Variants in STARD3NL observed in about 807,000 individuals in gnomAD.
The protein encoded by STARD3NL is STARD3 N-terminal like.
In STARD3NL, 17 loss-of-function variants were observed where a neutral mutation model predicts 30.9. The ratio of observed to expected loss-of-function variants is 0.55; its 90% CI spans 0.38 to 0.82. STARD3NL has a LOEUF of 0.82. Ranked by LOEUF, STARD3NL falls within the 40% of genes least tolerant of loss-of-function variation. The probability of loss-of-function intolerance (pLI) is 0.00; values close to 1 mark genes in which losing one functional copy is unlikely to be tolerated. For missense variants in STARD3NL, 234 were observed against 277.6 expected (o/e 0.84, Z 1.12); for synonymous variants, 112 against 100.5 (o/e 1.11, Z -0.69).
intron 6 of STARD3NL, among the ~76,000 whole-genome samples, chr7:38,219,222 T>C (rs993540235): frequency 3.3e-5 from 5 of 152,022 alleles, no homozygotes; most frequent in South Asian, 2.1e-4. Flanking sequence ...AATTTTTAAA[T>C]TTTTTATAGA....
At chr7:38,198,393 A>G (rs554765123) in intron 1 of STARD3NL, 2 of 152,290 alleles carry the variant, frequency 1.3e-5, no homozygotes, top group African/African-American at 4.8e-5. Context: ...TGGTGATTCT[A>G]TATCTTTTGA....
intron 7 of STARD3NL, among the ~76,000 whole-genome samples, chr7:38,220,973 GAAT>G (rs1786428195): frequency 6.9e-6 from 1 of 145,168 alleles, no homozygotes; most frequent in Admixed American, 6.9e-5. Flanking sequence ...GAAAAGAAAA[GAAT>G]AGAATTCTGA....
chr7:38,204,812 C>T lies in STARD3NL; in HGVS notation c.-58-2635C>T, dbSNP rs529679353. 3.0e-3 allele frequency among the ~76,000 whole-genome samples: 450 copies of T among 151,918 alleles called. 3 individuals are homozygous for T. Among genetic ancestry groups the T allele is most frequent in the Middle Eastern group, 0.014 (4 of 294 alleles). ...AAAATGATAAAGGGGATATCACCAC[C>T]GATCCCACAGAAATACAAACTACCA... On this transcript the variant is annotated intron_variant, in intron 1 of 8. Transcript: ENST00000009041.
chr7:38,207,650 C>T lies in STARD3NL; in HGVS notation c.146C>T (p.Ser49Phe). The T allele has an allele frequency of 6.2e-7, 1 of 1,614,126 alleles. No individual in the cohort carries two copies. Among genetic ancestry groups the T allele is most frequent in the Non-Finnish European group, 8.5e-7 (1 of 1,179,968 alleles). Reference protein sequence around the residue: ...SYEGREKKGISDVRRTFCLFV... With the variant: ...SYEGREKKGIFDVRRTFCLFV... The stretch of plus-strand genomic sequence containing the variant: ...GAAGGAAGGGAAAAGAAAGGCATAT[C>T]TGATGTCAGGAGGACTTTCTGTTTG... The change falls in exon 2 of 9, where the codon TCT (serine) becomes TTT (phenylalanine). Residue 49 changes from serine (S) to phenylalanine (F), a missense_variant. Coordinates refer to ENST00000009041, the MANE Select transcript of STARD3NL (RefSeq NM_032016.4).
intron 2 of STARD3NL, among the ~76,000 whole-genome samples, chr7:38,209,977 A>G (rs1054479595): frequency 2.6e-5 from 4 of 152,226 alleles, no homozygotes; most frequent in East Asian, 1.9e-4. Context: ...GGAAAAGGGT[A>G]TATGATCAAG....
chr7:38,195,432 G>C (rs1416972261), intron 1 of STARD3NL, among the ~76,000 whole-genome samples: 2 of 152,174 alleles, frequency 1.3e-5, no homozygotes, highest in African/African-American at 2.4e-5. Context: ...AATTTGCAGA[G>C]CTTAATTATG....
chr7:38,229,576 A>C (rs754781601), intron 8 of STARD3NL, among the ~76,000 whole-genome samples: 17 of 152,354 alleles, frequency 1.1e-4, no homozygotes, highest in Admixed American at 2.6e-4. Flanking sequence ...AAGCTGCCAG[A>C]TTGTGAGTCA....
At chr7:38,191,722 C>T (rs1201140672) in intron 1 of STARD3NL, among the ~76,000 whole-genome samples, 1 of 152,128 alleles carries the variant, frequency 6.6e-6, no homozygotes, top group African/African-American at 2.4e-5. Context: ...TATATACTCT[C>T]TATTATGTTC....
chr7:38,197,149 T>TTTCTTTCTTTCTTTCC (rs1784946661), intron 1 of STARD3NL, among the ~76,000 whole-genome samples: 1 of 142,664 alleles, frequency 7.0e-6, no homozygotes, highest in Non-Finnish European at 1.5e-5. Flanking sequence ...TCTTTCTTTC[T>TTTCTTTCTTTCTTTCC]TTCTTTCTTT....
chr7:38,217,518 G>T (rs1439087562), intron 6 of STARD3NL, among the ~76,000 whole-genome samples: 1 of 152,134 alleles, frequency 6.6e-6, no homozygotes, highest in African/African-American at 2.4e-5. Flanking sequence ...CAGCTATCAG[G>T]CCAGGCTTCC....
intron 2 of STARD3NL, among the ~76,000 whole-genome samples, chr7:38,211,745 G>C (rs998926717): frequency 2.0e-5 from 3 of 152,116 alleles, no homozygotes; most frequent in African/African-American, 7.2e-5. Context: ...GACTTAACAT[G>C]TTTCCCCCAA....
chr7:38,217,049 T>C lies in STARD3NL; in HGVS notation c.406T>C (p.Phe136Leu). The change falls in exon 5 of 9, where the codon TTT (phenylalanine) becomes CTT (leucine). Residue 136 changes from phenylalanine (F) to leucine (L), a missense_variant. Coordinates refer to ENST00000009041, the MANE Select transcript of STARD3NL (RefSeq NM_032016.4). ...IALTTAVTSAFLLAKVILSKL... is the reference protein window; with the variant it reads ...IALTTAVTSALLLAKVILSKL... Reference sequence around the variant, plus strand: ...GTTGACAACGGCAGTGACCAGTGCCTTTTTACTAGCAAAAGTGATCCTTTC... The same window carrying C: ...GTTGACAACGGCAGTGACCAGTGCCCTTTTACTAGCAAAAGTGATCCTTTC... The C allele has an allele frequency of 6.2e-7, 1 of 1,614,130 alleles. No homozygotes were observed. Among genetic ancestry groups the C allele is most frequent in the East Asian group, 2.2e-5 (1 of 44,892 alleles).
chr7:38,200,053 C>G (rs1785102775), intron 1 of STARD3NL, among the ~76,000 whole-genome samples: 1 of 152,174 alleles, frequency 6.6e-6, no homozygotes, highest in Non-Finnish European at 1.5e-5. Flanking sequence ...TATCTTCCCT[C>G]AAGACTCGAA....
rs765485844 is a variant in STARD3NL, at chr7:38,217,297, A to G, written c.545A>G (p.Glu182Gly). Reference sequence around the variant, plus strand: ...AAAGTGTTACCTCAAGAAGCAGAAGAAGAAAACAGTAAGTTCCTCTCAAAG... The same window carrying G: ...AAAGTGTTACCTCAAGAAGCAGAAGGAGAAAACAGTAAGTTCCTCTCAAAG... Reference protein sequence around the residue: ...DFKVLPQEAEEENRLLIVQDA... With the variant: ...DFKVLPQEAEGENRLLIVQDA... Residue 182 changes from glutamate (E) to glycine (G), a missense_variant, in exon 6 of 9, where the codon GAA (glutamate) becomes GGA (glycine). Physicochemically the swap from Glu to Gly is moderately conservative, Grantham distance 98. Transcript: ENST00000009041. 1 of 1,613,878 alleles carries G rather than the reference A, an allele frequency of 6.2e-7. No homozygotes were observed. The highest frequency in any genetic ancestry group is 1.1e-5 in the South Asian group (1 of 91,060).
At chr7:38,208,523 T>C (rs866661842) in intron 2 of STARD3NL, among the ~76,000 whole-genome samples, 5 of 152,192 alleles carry the variant, frequency 3.3e-5, no homozygotes, top group Non-Finnish European at 5.9e-5. Flanking sequence ...TTTAACCCAA[T>C]ATATGTGTTT....
At chr7:38,190,256 A>T (rs1378273651) in intron 1 of STARD3NL, among the ~76,000 whole-genome samples, 1 of 152,172 alleles carries the variant, frequency 6.6e-6, no homozygotes, top group Non-Finnish European at 1.5e-5. Context: ...GCCACTCATG[A>T]TGACACACAA....
chr7:38,179,284 C>G (rs1784149943), intron 1 of STARD3NL: 1 of 152,244 alleles, frequency 6.6e-6, no homozygotes, highest in South Asian at 2.1e-4. Context: ...GAAGCAGGAT[C>G]TCACAAAACG....
intron 1 of STARD3NL, among the ~76,000 whole-genome samples, chr7:38,190,286 T>C (rs1323690926): frequency 2.0e-5 from 3 of 152,188 alleles, no homozygotes; most frequent in Non-Finnish European, 1.5e-5. Flanking sequence ...CATGAACATT[T>C]ATTTCTGGAA....
intron 1 of STARD3NL, among the ~76,000 whole-genome samples, chr7:38,194,894 C>T (rs1269590775): frequency 6.6e-6 from 1 of 152,144 alleles, no homozygotes; most frequent in African/African-American, 2.4e-5. Context: ...GTATTCGTAT[C>T]ATTAAAATAT....
Sources: gnomAD v4.1 joint callset for allele counts (sites outside exome capture counted in the v4.1 genomes callset) on GRCh38, gnomAD v4.1.1 for gene constraint, MANE v1.5 for transcripts, NCBI Gene and HGNC (gene_info 2026-07-23, HGNC 2026-07-21) for gene names.